OXSR1: variants seen among roughly 807,000 people sequenced by gnomAD.
OXSR1 encodes serine/threonine-protein kinase OSR1.
Under a neutral mutation model 79.8 loss-of-function variants are expected in OXSR1, and 24 were observed. The ratio of observed to expected loss-of-function variants is 0.30; its 90% CI spans 0.22 to 0.42. The LOEUF is 0.42. OXSR1 is among the 10% of genes least tolerant of loss of function. The probability of loss-of-function intolerance (pLI) is 1.00; values close to 1 mark genes in which losing one functional copy is unlikely to be tolerated. For missense variants in OXSR1, 430 were observed against 618.4 expected, an observed-to-expected ratio of 0.70 and a Z score of 3.23; for synonymous variants, 226 against 209.2, an observed-to-expected ratio of 1.08 and a Z score of -0.69.
At chr3:38,200,642 T>A (rs1268489212) in intron 4 of OXSR1, among the ~76,000 whole-genome samples, 2 of 152,218 alleles carry the variant, frequency 1.3e-5, no homozygotes, top group Non-Finnish European at 2.9e-5. Flanking sequence ...CAATTTTATT[T>A]AAATCTATTT....
intron 13 of OXSR1, among the ~76,000 whole-genome samples, 161 bp from the exon 14 acceptor site, chr3:38,247,507 G>A (rs186077456): frequency 6.6e-6 from 1 of 152,274 alleles, no homozygotes; most frequent in African/African-American, 2.4e-5. Context: ...GCCTTGGAGT[G>A]CATGTCCTCC....
rs1354389929 is a variant in OXSR1, at chr3:38,253,912, G to A, written c.*1021G>A. 9.8e-6 allele frequency: 3 copies of A among 305,992 alleles called. No individual in the cohort carries two copies. Among genetic ancestry groups the A allele is most frequent in the Non-Finnish European group, 1.2e-5 (2 of 167,878 alleles). 19.0% of individuals were successfully genotyped at this position (305,992 alleles called of 1,614,324 possible). A position where few individuals can be genotyped will look rare whatever the true frequency, so the allele number is the denominator to read the frequency against. On this transcript the variant is annotated 3_prime_UTR_variant, in exon 18 of 18. Transcript: ENST00000311806. ...CCTTTGGAGGGGGTCTCTGTGTGCT[G>A]AAGCTAACTCAAGATGGAAAGTGAA...
intron 8 of OXSR1, among the ~76,000 whole-genome samples, chr3:38,225,594 C>G (rs549713430): frequency 6.6e-6 from 1 of 150,898 alleles, no homozygotes; most frequent in Non-Finnish European, 1.5e-5. Flanking sequence ...TCTGAGTAAA[C>G]AGTTAAAAAA....
Position 38,242,697 on chromosome 3 carries a change from A to G in OXSR1, c.1075-46A>G, listed in dbSNP as rs375520053. 5 of 1,257,714 alleles carry G rather than the reference A, an allele frequency of 4.0e-6. No homozygotes were observed. The African/African-American group carries it at 6.1e-5, about 15-fold the overall frequency. The allele number at this position is 1,257,714 out of a possible 1,614,324, so 77.9% of individuals were successfully genotyped here. A position where few individuals can be genotyped will look rare whatever the true frequency, so the allele number is the denominator to read the frequency against. ...TTGCAGTTTGGGACTGACTACAAGT[A>G]ACCTGAGTTGTGAGTTAACAATCAT... On this transcript the variant is annotated intron_variant, in intron 11 of 17. Transcript: ENST00000311806.
intron 2 of OXSR1, among the ~76,000 whole-genome samples, chr3:38,187,297 A>G (rs1331880258): frequency 6.6e-6 from 1 of 152,218 alleles, no homozygotes; most frequent in African/African-American, 2.4e-5. Flanking sequence ...TTCATGACCC[A>G]CATAGATTAC....
rs528406569 is a variant in OXSR1, at chr3:38,254,034, G to A, written c.*1143G>A. The A allele has an allele frequency of 3.0e-5, 12 of 396,330 alleles. No individual in the cohort carries two copies. In the South Asian group the frequency reaches 1.7e-3, roughly 57 times the overall value. The allele number at this position is 396,330 out of a possible 1,614,324, so 24.6% of individuals were successfully genotyped here. A position where few individuals can be genotyped will look rare whatever the true frequency, so the allele number is the denominator to read the frequency against. ...AATTATTCTTTAGGTTTAAAAAAGAGCACTCATAATGCAATATGTGAATAA... is the reference window on the plus strand; with the variant it reads ...AATTATTCTTTAGGTTTAAAAAAGAACACTCATAATGCAATATGTGAATAA... On this transcript the variant is annotated 3_prime_UTR_variant, in exon 18 of 18. Transcript: ENST00000311806.
intron 15 of OXSR1, 57 bp downstream of exon 15, chr3:38,250,075 T>C (rs1703224441): frequency 1.7e-6 from 2 of 1,160,528 alleles, no homozygotes; most frequent in African/African-American, 3.1e-5. Flanking sequence ...TTCAATGAAA[T>C]GTGTTGTGAA....
At chr3:38,203,151 T>G (rs1702198373) in intron 4 of OXSR1, among the ~76,000 whole-genome samples, 1 of 152,202 alleles carries the variant, frequency 6.6e-6, no homozygotes. Context: ...CTTGAAGTCT[T>G]TGATCTTTCT....
In OXSR1 at chr3:38,205,609, C is replaced by T. The variant is rs1037966162; in HGVS notation, c.434+6746C>T. Reference sequence around the variant, plus strand: ...CTAGTAGAGCCACTGATGACCTTCTCCTGCTGGTCCGCCTTCAGAATGTCA... The same window carrying T: ...CTAGTAGAGCCACTGATGACCTTCTTCTGCTGGTCCGCCTTCAGAATGTCA... On this transcript the variant is annotated intron_variant, in intron 4 of 17. Coordinates refer to ENST00000311806, the MANE Select transcript of OXSR1 (RefSeq NM_005109.3). Among the ~76,000 whole-genome samples the T allele has an allele frequency of 4.3e-4, 66 of 152,166 alleles. 1 individual carries two copies. The highest frequency in any genetic ancestry group is 9.7e-5 in the African/African-American group (4 of 41,440).
intron 2 of OXSR1, among the ~76,000 whole-genome samples, chr3:38,187,537 G>A (rs1701907141): frequency 6.6e-6 from 1 of 152,130 alleles, no homozygotes; most frequent in African/African-American, 2.4e-5. Flanking sequence ...ACTACATTTA[G>A]GGAATTAGAA....
chr3:38,207,518 A>G (rs1269141408), intron 4 of OXSR1, among the ~76,000 whole-genome samples: 1 of 152,168 alleles, frequency 6.6e-6, no homozygotes, highest in Non-Finnish European at 1.5e-5. Context: ...ATTTAGCAAT[A>G]CCTGGAGCCA....
At chr3:38,206,153 T>C (rs2125825113) in intron 4 of OXSR1, among the ~76,000 whole-genome samples, 1 of 152,216 alleles carries the variant, frequency 6.6e-6, no homozygotes, top group East Asian at 1.9e-4. Context: ...CATGCATGGG[T>C]AATATGTTAC....
intron 6 of OXSR1, among the ~76,000 whole-genome samples, chr3:38,222,259 T>C (rs1559518745): frequency 6.6e-6 from 1 of 152,196 alleles, no homozygotes; most frequent in Non-Finnish European, 1.5e-5. Context: ...GGAGGATAAC[T>C]GCATGCTGTG....
chr3:38,195,892 A>G (rs1461175107), intron 3 of OXSR1, among the ~76,000 whole-genome samples: 1 of 152,230 alleles, frequency 6.6e-6, no homozygotes, highest in African/African-American at 2.4e-5. Flanking sequence ...GCTTTGTTAC[A>G]AAATTTGTAC....
At chr3:38,170,528 G>A (rs1419475995) in intron 1 of OXSR1, among the ~76,000 whole-genome samples, 1 of 151,422 alleles carries the variant, frequency 6.6e-6, no homozygotes, top group East Asian at 1.9e-4. Flanking sequence ...TTGCATTTAA[G>A]CCTCTGATAC....
intron 3 of OXSR1, among the ~76,000 whole-genome samples, chr3:38,192,160 T>C (rs568997116): frequency 6.6e-5 from 10 of 152,220 alleles, no homozygotes; most frequent in African/African-American, 1.4e-4. Flanking sequence ...GTATTCAGTG[T>C]CTTTCCATCA....
chr3:38,215,259 A>G (rs1441172169), intron 4 of OXSR1, among the ~76,000 whole-genome samples: 1 of 152,226 alleles, frequency 6.6e-6, no homozygotes, highest in African/African-American at 2.4e-5. Flanking sequence ...AATAGAAATA[A>G]TTTAACCTTT....
In OXSR1 at chr3:38,201,412, A is replaced by T. The variant is rs574673588; in HGVS notation, c.434+2549A>T. The stretch of plus-strand genomic sequence containing the variant: ...CCTTGTCTCTACAAAAAAATTTTTT[A>T]AAATTATCCAGATACGGGCCAGGCA... On this transcript the variant is annotated intron_variant, in intron 4 of 17. Transcript: ENST00000311806. Among the ~76,000 whole-genome samples, 28 of 151,682 alleles carry T rather than the reference A, an allele frequency of 1.8e-4. 1 individual carries two copies. The highest frequency in any genetic ancestry group is 1.3e-3 in the South Asian group (6 of 4,792).
chr3:38,250,565 C>G (rs1038345935), intron 15 of OXSR1, among the ~76,000 whole-genome samples: 10 of 152,144 alleles, frequency 6.6e-5, no homozygotes, highest in African/African-American at 2.4e-4. Flanking sequence ...TCACCTTGAA[C>G]AAGGTGTGTT....
Sources: gnomAD v4.1 joint callset for allele counts (sites outside exome capture counted in the v4.1 genomes callset) on GRCh38, gnomAD v4.1.1 for gene constraint, MANE v1.5 for transcripts, NCBI Gene and HGNC (gene_info 2026-07-23, HGNC 2026-07-21) for gene names.